Variants in PCDHGA9 observed in about 807,000 individuals in gnomAD.
PCDHGA9 encodes the protein protocadherin gamma-A9.
PCDHGA9 carries 37 observed loss-of-function variants against 62.5 expected under a neutral mutation model. The observed-to-expected ratio is 0.59, with a 90% CI of 0.46 to 0.78. PCDHGA9 has a LOEUF of 0.78. Ranked by LOEUF, PCDHGA9 falls within the 30% of genes least tolerant of loss-of-function variation. PCDHGA9 has a pLI of 0.00. For missense variants in PCDHGA9, 1,138 were observed against 1,166.2 expected, an observed-to-expected ratio of 0.98 and a Z score of 0.35; for synonymous variants, 459 against 484.6, an observed-to-expected ratio of 0.95 and a Z score of 0.69.
chr5:141,455,343 G>T (rs1462807460), intron 1 of PCDHGA9, among the ~76,000 whole-genome samples: 1 of 152,036 alleles, frequency 6.6e-6, no homozygotes, highest in Non-Finnish European at 1.5e-5. Flanking sequence ...TTTAAGGAGC[G>T]GAGAGTTTAA....
chr5:141,428,067 G>GC, intron 1 of PCDHGA9: 2 of 1,609,228 alleles, frequency 1.2e-6, no homozygotes, highest in Non-Finnish European at 1.7e-6. Context: ...GGTGGACGCA[G>GC]ATTCGGGACA....
In PCDHGA9 at chr5:141,485,368, G is replaced by T. The variant is rs2154580406; in HGVS notation, c.2425-9439G>T. On this transcript the variant is annotated intron_variant, in intron 1 of 3. Coordinates refer to ENST00000573521, the MANE Select transcript of PCDHGA9 (RefSeq NM_018921.3). This position sits in a 1 kb window ranked among gnomAD's most constrained non-coding sequence, Gnocchi z 5.7. Reference sequence around the variant, plus strand: ...ACAGTCTGTCAGCTCGCAGGCTGCAGGTCGCTGGAGAGGTGAACCAAAGAC... The same window carrying T: ...ACAGTCTGTCAGCTCGCAGGCTGCATGTCGCTGGAGAGGTGAACCAAAGAC... The T allele has an allele frequency of 6.2e-7, 1 of 1,614,144 alleles. No individual in the cohort carries two copies. The highest frequency in any genetic ancestry group is 2.2e-5 in the East Asian group (1 of 44,866).
chr5:141,403,890 C>A lies in PCDHGA9; in HGVS notation c.938C>A (p.Ser313Ter). Residue 313 changes from serine to a stop codon, truncating the protein, a stop_gained, in exon 1 of 4, where the codon TCA becomes TAA. Transcript: ENST00000573521. LOFTEE classifies it high-confidence loss of function. ...TAKSLDYEEC[S>*]FYEMEIQAED... Reference sequence around the variant, plus strand: ...AAAAGTCTAGATTATGAAGAATGTTCATTTTATGAAATGGAAATACAAGCT... The same window carrying A: ...AAAAGTCTAGATTATGAAGAATGTTAATTTTATGAAATGGAAATACAAGCT... 1 of 1,613,714 alleles carries A rather than the reference C, an allele frequency of 6.2e-7. No homozygotes were observed. Among genetic ancestry groups the A allele is most frequent in the Non-Finnish European group, 8.5e-7 (1 of 1,179,860 alleles).
chr5:141,407,869 A>T lies in PCDHGA9; in HGVS notation c.2424+2493A>T, dbSNP rs1031666668. ...GGATGTACACCTGCATTTTCGAAGA[A>T]TATATACATTTCGGAGACCGAATTC... On this transcript the variant is annotated intron_variant, in intron 1 of 3. Coordinates refer to ENST00000573521, the MANE Select transcript of PCDHGA9 (RefSeq NM_018921.3). Among the ~76,000 whole-genome samples, 20 of 152,262 alleles carry T rather than the reference A, an allele frequency of 1.3e-4. No homozygotes were observed. The East Asian group carries it at 1.5e-3, about 12-fold the overall frequency.
intron 1 of PCDHGA9, chr5:141,418,890 G>A (rs1449142412): frequency 1.9e-6 from 3 of 1,613,934 alleles, no homozygotes; most frequent in Non-Finnish European, 2.5e-6. Flanking sequence ...AACGACAACA[G>A]CCCAGAAATA....
intron 2 of PCDHGA9, among the ~76,000 whole-genome samples, chr5:141,504,689 G>A (rs1395389800): frequency 6.6e-6 from 1 of 151,502 alleles, no homozygotes; most frequent in South Asian, 2.1e-4. Context: ...TAAAATAGGA[G>A]GGGCAGGTTC....
At chr5:141,433,285 C>G in intron 1 of PCDHGA9, 1 of 1,169,826 alleles carries the variant, frequency 8.5e-7, no homozygotes, top group Non-Finnish European at 1.2e-6. Flanking sequence ...CCTCAAACTC[C>G]TAGGCTCAAG....
intron 1 of PCDHGA9, chr5:141,415,426 C>T: frequency 6.2e-7 from 1 of 1,614,194 alleles, no homozygotes; most frequent in Non-Finnish European, 8.5e-7. Flanking sequence ...GGACGGGGTT[C>T]GGGCTTTCCT....
Position 141,438,619 on chromosome 5 carries a change from T to C in PCDHGA9, c.2424+33243T>C, listed in dbSNP as rs1053855444. Reference sequence around the variant, plus strand: ...ATATATATATATATATATATATATATATATATATATATATATACACACACA... The same window carrying C: ...ATATATATATATATATATATATATACATATATATATATATATACACACACA... On this transcript the variant is annotated intron_variant, in intron 1 of 3. Transcript: ENST00000573521. 1.0e-4 allele frequency among the ~76,000 whole-genome samples: 4 copies of C among 39,678 alleles called. No homozygotes were observed. The East Asian group carries it at 2.5e-3, about 25-fold the overall frequency. The allele number at this position is 39,678 out of a possible 152,430, so 26.0% of individuals were successfully genotyped here.
chr5:141,492,071 C>T (rs992716777), intron 1 of PCDHGA9: 7 of 481,874 alleles, frequency 1.5e-5, no homozygotes, highest in African/African-American at 1.4e-4. Context: ...CTCCTAGGCG[C>T]CGGCTCCGGC....
chr5:141,423,053 T>C lies in PCDHGA9; in HGVS notation c.2424+17677T>C, dbSNP rs200154593. 1.4e-4 allele frequency: 219 copies of C among 1,614,170 alleles called. 1 individual carries two copies. The African/African-American group carries it at 2.5e-3, about 18-fold the overall frequency. ...CAGAACGCCTGGCTGTCCTATCGCCTGCTTAAGGCCAGCGAGCCGGGACTC... is the reference window on the plus strand; with the variant it reads ...CAGAACGCCTGGCTGTCCTATCGCCCGCTTAAGGCCAGCGAGCCGGGACTC... On this transcript the variant is annotated intron_variant, in intron 1 of 3. Coordinates refer to ENST00000573521, the MANE Select transcript of PCDHGA9 (RefSeq NM_018921.3).
intron 1 of PCDHGA9, chr5:141,421,262 GGCT>G (rs748368476): frequency 2.1e-5 from 34 of 1,608,226 alleles, no homozygotes; most frequent in Admixed American, 5.1e-5. Flanking sequence ...GACCGCAGTC[GGCT>G]GCTGCTGCTG....
chr5:141,422,088 CA>C (rs1235447839), intron 1 of PCDHGA9: 2 of 1,611,912 alleles, frequency 1.2e-6, no homozygotes, highest in Non-Finnish European at 1.7e-6. Flanking sequence ...ACATGGAAAG[CA>C]AGGCTTCTGA....
Position 141,417,626 on chromosome 5 carries a change from T to C in PCDHGA9, c.2424+12250T>C, listed in dbSNP as rs1156653216. ...CCGTCGGCCAGTGCAGAGCAAGCGC[T>C]GACGCCGGGGATCCCTCAGCCTCTA... On this transcript the variant is annotated intron_variant, in intron 1 of 3. Coordinates refer to ENST00000573521, the MANE Select transcript of PCDHGA9 (RefSeq NM_018921.3). The C allele has an allele frequency of 4.4e-6, 3 of 689,458 alleles. No homozygotes were observed. In the African/African-American group the frequency reaches 5.4e-5, roughly 12 times the overall value. The allele number at this position is 689,458 out of a possible 1,614,324, so 42.7% of individuals were successfully genotyped here. A position where few individuals can be genotyped will look rare whatever the true frequency, so the allele number is the denominator to read the frequency against.
chr5:141,488,113 T>C (rs1053996929), intron 1 of PCDHGA9, among the ~76,000 whole-genome samples: 1 of 152,084 alleles, frequency 6.6e-6, no homozygotes, highest in African/African-American at 2.4e-5. Flanking sequence ...ATTTGAAACA[T>C]AGAGACAGCA....
In PCDHGA9 at chr5:141,476,651, T is replaced by C. The variant is rs1355056895; in HGVS notation, c.2425-18156T>C. On this transcript the variant is annotated intron_variant, in intron 1 of 3. Coordinates refer to ENST00000573521, the MANE Select transcript of PCDHGA9 (RefSeq NM_018921.3). This position sits in a 1 kb window ranked among gnomAD's most constrained non-coding sequence, Gnocchi z 7.6. ...AACCTATGAGCTGAGCCGAAATGAA[T>C]ACTTTGCGCTTCGCGTGCAGACGCG... is the stretch of plus-strand genomic sequence containing the variant. The C allele has an allele frequency of 3.7e-6, 6 of 1,614,118 alleles. No individual in the cohort carries two copies. Among genetic ancestry groups the C allele is most frequent in the Non-Finnish European group, 5.1e-6 (6 of 1,180,050 alleles).
rs1230059414 is a variant in PCDHGA9, at chr5:141,403,172, C to G, written c.220C>G (p.Leu74Val). 8.1e-6 allele frequency: 13 copies of G among 1,613,900 alleles called. No individual in the cohort carries two copies. The highest frequency in any genetic ancestry group is 1.1e-5 in the Non-Finnish European group (13 of 1,179,918). ...CATCGTCTCTAGAGGTAGGACGCAGCTTTTCTCTCTGAACCCGCGCAGCGG... is the reference window on the plus strand; with the variant it reads ...CATCGTCTCTAGAGGTAGGACGCAGGTTTTCTCTCTGAACCCGCGCAGCGG... ...VRIVSRGRTQLFSLNPRSGTL... is the reference protein window; with the variant it reads ...VRIVSRGRTQVFSLNPRSGTL... The change falls in exon 1 of 4, where the codon CTT (leucine) becomes GTT (valine). Residue 74 changes from leucine to valine, a missense_variant. Leu to Val is a conservative substitution (Grantham distance 32). Coordinates refer to ENST00000573521, the MANE Select transcript of PCDHGA9 (RefSeq NM_018921.3).
At chr5:141,438,579 CAT>C (rs2097974137) in intron 1 of PCDHGA9, among the ~76,000 whole-genome samples, 1 of 55,780 alleles carries the variant, frequency 1.8e-5, no homozygotes, top group Admixed American at 2.8e-4. Context: ...GATATACATA[CAT>C]ACATACATAC....
intron 1 of PCDHGA9, among the ~76,000 whole-genome samples, chr5:141,429,629 C>G (rs2097230011): frequency 1.3e-5 from 2 of 152,160 alleles, no homozygotes; most frequent in Admixed American, 1.3e-4. Flanking sequence ...TATTTTCTCA[C>G]AGCTACCTAT....
Sources: allele counts gnomAD v4.1 joint callset (sites outside exome capture counted in the v4.1 genomes callset), GRCh38; gene constraint gnomAD v4.1.1; non-coding constraint Gnocchi (gnomAD v3.1); transcripts MANE v1.5; gene names NCBI Gene and HGNC (gene_info 2026-07-23, HGNC 2026-07-21).